CADPS: variants seen among roughly 807,000 people sequenced by gnomAD.
CADPS encodes calcium-dependent secretion activator 1.
A neutral mutation model predicts 167.3 loss-of-function variants in CADPS; 57 were observed. The observed-to-expected ratio is 0.34, with a 90% CI of 0.28 to 0.42. The LOEUF (loss-of-function observed/expected upper bound fraction) is 0.42, where lower values mean the gene tolerates loss of function less well. Among genes scored for constraint, CADPS ranks in the 20% least tolerant of loss-of-function variants. The pLI is 1.00. For synonymous variants in CADPS, 676 were observed against 635.3 expected, an observed-to-expected ratio of 1.06 and a Z score of -0.96; for missense variants, 1,414 against 1,738.1, an observed-to-expected ratio of 0.81 and a Z score of 3.32.
chr3:62,804,785 A>G (rs1407250297), intron 1 of CADPS, among the ~76,000 whole-genome samples: 2 of 152,136 alleles, frequency 1.3e-5, no homozygotes, highest in African/African-American at 4.8e-5. Flanking sequence ...TTATTTATTT[A>G]TATATTTGTT....
intron 6 of CADPS, among the ~76,000 whole-genome samples, chr3:62,613,879 A>G (rs1578830431): frequency 6.6e-6 from 1 of 152,164 alleles, no homozygotes; most frequent in East Asian, 1.9e-4. Context: ...CACTGGTGGG[A>G]TTTATCTGGG....
chr3:62,618,494 T>A (rs1471239377), intron 6 of CADPS, among the ~76,000 whole-genome samples: 1 of 152,164 alleles, frequency 6.6e-6, no homozygotes, highest in African/African-American at 2.4e-5. Context: ...GTTCCCTTTA[T>A]AATAAAAGTT....
At chr3:62,409,817 G>T (rs2048612184) in intron 28 of CADPS, among the ~76,000 whole-genome samples, 1 of 152,170 alleles carries the variant, frequency 6.6e-6, no homozygotes, top group Non-Finnish European at 1.5e-5. Context: ...AATAAGGAGA[G>T]CAAAATGGTA....
At chr3:62,522,522 T>C (rs1008849927) in intron 13 of CADPS, among the ~76,000 whole-genome samples, 2 of 152,284 alleles carry the variant, frequency 1.3e-5, no homozygotes, top group South Asian at 2.1e-4. Flanking sequence ...TACTCTTCCA[T>C]AGCTCACTTG....
At chr3:62,694,930 A>G (rs1346302186) in intron 3 of CADPS, among the ~76,000 whole-genome samples, 1 of 152,036 alleles carries the variant, frequency 6.6e-6, no homozygotes, top group Non-Finnish European at 1.5e-5. Context: ...AGCACCACAG[A>G]ATTCACGGGC....
intron 13 of CADPS, among the ~76,000 whole-genome samples, chr3:62,524,374 T>C (rs1374282823): frequency 6.6e-6 from 1 of 152,202 alleles, no homozygotes; most frequent in East Asian, 1.9e-4. Context: ...TCTCCTTTCC[T>C]TCCAGCCCAT....
intron 2 of CADPS, among the ~76,000 whole-genome samples, chr3:62,763,389 G>A (rs574972808): frequency 1.3e-3 from 202 of 152,328 alleles, no homozygotes; most frequent in Middle Eastern, 6.8e-3. Flanking sequence ...TCGAGAGGTG[G>A]GGGGAAGATA....
chr3:62,609,360 T>C (rs1466915720), intron 6 of CADPS, among the ~76,000 whole-genome samples: 1 of 152,214 alleles, frequency 6.6e-6, no homozygotes, highest in Non-Finnish European at 1.5e-5. Context: ...TCTAGGTACC[T>C]CTGCATTCCC....
chr3:62,782,672 C>G (rs1449440788), intron 1 of CADPS, among the ~76,000 whole-genome samples: 1 of 151,936 alleles, frequency 6.6e-6, no homozygotes, highest in Non-Finnish European at 1.5e-5. Flanking sequence ...GGGGCTAAAC[C>G]CTGGATCAGA....
At chr3:62,722,645 C>A (rs1418391617) in intron 3 of CADPS, among the ~76,000 whole-genome samples, 2 of 152,220 alleles carry the variant, frequency 1.3e-5, no homozygotes, top group Non-Finnish European at 2.9e-5. Context: ...TCTTTTCTGG[C>A]AATTGTCTCT....
chr3:62,708,890 A>G (rs932301833), intron 3 of CADPS, among the ~76,000 whole-genome samples: 1 of 151,992 alleles, frequency 6.6e-6, no homozygotes, highest in Admixed American at 6.6e-5. Flanking sequence ...GAAGTCAAGC[A>G]GAAAGCAAGT....
chr3:62,706,654 T>C (rs1456700110), intron 3 of CADPS, among the ~76,000 whole-genome samples: 1 of 152,128 alleles, frequency 6.6e-6, no homozygotes, highest in Non-Finnish European at 1.5e-5. Context: ...TTGGTGTTAC[T>C]TGGCTTGCAG....
chr3:62,674,275 A>G (rs1422729349), intron 3 of CADPS, among the ~76,000 whole-genome samples: 1 of 152,194 alleles, frequency 6.6e-6, no homozygotes, highest in African/African-American at 2.4e-5. Flanking sequence ...AGGGTACTTG[A>G]GAACTGTCAC....
At chr3:62,552,468 G>A (rs993136387) in intron 10 of CADPS, among the ~76,000 whole-genome samples, 19 of 152,292 alleles carry the variant, frequency 1.2e-4, no homozygotes, top group African/African-American at 4.6e-4. Context: ...CTAGAAACCT[G>A]TATTTTAGAT....
rs375576173 is a variant in CADPS, at chr3:62,481,726, G to A, written c.3170C>T (p.Ala1057Val). The A allele has an allele frequency of 1.4e-5, 23 of 1,597,306 alleles. No individual in the cohort carries two copies. Among genetic ancestry groups the A allele is most frequent in the African/African-American group, 5.4e-5 (4 of 73,944 alleles). The change falls in exon 22 of 30, where the codon GCG becomes GTG. Residue 1057 changes from alanine (A) to valine (V), a missense_variant. Transcript: ENST00000383710. ...APSWMAAIYD[A>V]DNGSGTSEDL... The stretch of plus-strand genomic sequence containing the variant: ...CTAATGTGAACTGAATACACACTCC[G>A]CATCATATATAGCAGCCATCCATGA...
intron 1 of CADPS, among the ~76,000 whole-genome samples, chr3:62,821,967 C>T (rs574234529): frequency 7.2e-5 from 11 of 152,228 alleles, no homozygotes; most frequent in South Asian, 6.2e-4. Flanking sequence ...TGTCAGCTGG[C>T]GGCTGCTCTA....
Position 62,465,303 on chromosome 3 carries a change from C to A in CADPS, c.3636+64G>T. 1 of 1,162,338 alleles carries A rather than the reference C, an allele frequency of 8.6e-7. No individual in the cohort carries two copies. The highest frequency in any genetic ancestry group is 1.4e-5 in the South Asian group (1 of 71,852). 72.0% of individuals were successfully genotyped at this position (1,162,338 alleles called of 1,614,324 possible). On this transcript the variant is annotated intron_variant, in intron 26 of 29. Transcript: ENST00000383710. This position sits in a 1 kb window ranked among gnomAD's most constrained non-coding sequence, Gnocchi z 4.1. The stretch of plus-strand genomic sequence containing the variant: ...CAAAACAAAATGACACAACATAACT[C>A]CTCTCCCAAGCCGAAACCAAAAATT...
At chr3:62,827,973 C>T (rs915731673) in intron 1 of CADPS, among the ~76,000 whole-genome samples, 4 of 152,132 alleles carry the variant, frequency 2.6e-5, no homozygotes, top group Non-Finnish European at 5.9e-5. Context: ...ATGTGGTTCA[C>T]AGAAGGCAAA....
At chr3:62,746,922 T>A (rs1370177003) in intron 3 of CADPS, among the ~76,000 whole-genome samples, 3 of 152,178 alleles carry the variant, frequency 2.0e-5, no homozygotes, top group Admixed American at 6.5e-5. Flanking sequence ...GGGCATTCTT[T>A]TAAGCTGCTA....
Sources: allele counts gnomAD v4.1 joint callset (sites outside exome capture counted in the v4.1 genomes callset), GRCh38; gene constraint gnomAD v4.1.1; non-coding constraint Gnocchi (gnomAD v3.1); transcripts MANE v1.5; gene names NCBI Gene and HGNC (gene_info 2026-07-23, HGNC 2026-07-21).